Variants in CFH observed in about 807,000 individuals in gnomAD.
The protein encoded by CFH is H factor 1 (complement).
Under a neutral mutation model 147.3 loss-of-function variants are expected in CFH, and 53 were observed. That is an observed-to-expected ratio of 0.36 (90% CI 0.29 to 0.45). The LOEUF (loss-of-function observed/expected upper bound fraction) is 0.45. Among genes scored for constraint, CFH ranks in the 20% least tolerant of loss-of-function variants. CFH has a pLI of 1.00. For missense variants in CFH, 1,380 were observed against 1,498.0 expected, an observed-to-expected ratio of 0.92 and a Z score of 1.30; for synonymous variants, 536 against 489.4, an observed-to-expected ratio of 1.10 and a Z score of -1.26.
intron 6 of CFH, among the ~76,000 whole-genome samples, chr1:196,680,419 T>A (rs896304252): frequency 8.6e-5 from 13 of 151,446 alleles, no homozygotes; most frequent in Non-Finnish European, 1.9e-4. Flanking sequence ...ATATCTGGAA[T>A]AGAGTGTTCT....
rs770185390 is a variant in CFH at position 196,736,875 on chromosome 1, A to T, written c.2465A>T (p.Asn822Ile). The T allele has an allele frequency of 2.5e-6, 4 of 1,596,846 alleles. No individual in the cohort carries two copies. The South Asian group carries it at 4.5e-5, about 18-fold the overall frequency. Residue 822 changes from asparagine to isoleucine, a missense_variant, in exon 16 of 22, where the codon AAT becomes ATT. By Grantham distance (149) the Asn-to-Ile change is moderately radical. This residue lies in a region of CFH where 830 missense variants were observed against 821.4 expected (regional missense o/e 1.01). Transcript: ENST00000367429. ...CCACCTCAGATTCCCAATTCTCACA[A>T]TATGACAACCACACTGAATTATCGG... The part of the protein sequence containing the change: ...PPPPQIPNSH[N>I]MTTTLNYRDG...
intron 8 of CFH, 39 bp downstream of exon 8, chr1:196,689,653 C>T: frequency 6.2e-7 from 1 of 1,601,798 alleles, no homozygotes; most frequent in Non-Finnish European, 8.6e-7. Flanking sequence ...ATGTATAAAA[C>T]TTTCAAAGAT....
chr1:196,709,817 T>C (rs1212710751), intron 9 of CFH, among the ~76,000 whole-genome samples: 1 of 152,036 alleles, frequency 6.6e-6, no homozygotes, highest in Non-Finnish European at 1.5e-5. Flanking sequence ...AGCAACATAC[T>C]GGTCAACAAG....
intron 2 of CFH, chr1:196,673,383 C>A: frequency 1.9e-6 from 1 of 540,536 alleles, no homozygotes; most frequent in Non-Finnish European, 3.3e-6. Flanking sequence ...TATCGCCTGG[C>A]TGGAGTGCAG....
At chr1:196,737,071 G>A (rs576233776) in intron 16 of CFH, 65 bp downstream of exon 16, 190 of 1,356,218 alleles carry the variant, frequency 1.4e-4, no homozygotes, top group South Asian at 2.3e-4. Flanking sequence ...CTTGTGCTTC[G>A]TGTAAACAAG....
chr1:196,690,038 T>A, intron 8 of CFH, 25 bp from the exon 9 acceptor site: 2 of 1,581,818 alleles, frequency 1.3e-6, no homozygotes, highest in Non-Finnish European at 1.7e-6. Context: ...TTACTTTATT[T>A]ATTTATCATT....
At chr1:196,671,241 A>G (rs1224975320) in intron 1 of CFH, among the ~76,000 whole-genome samples, 1 of 152,138 alleles carries the variant, frequency 6.6e-6, no homozygotes, top group Admixed American at 6.5e-5. Flanking sequence ...GCTGTTATAA[A>G]GACCTAACAC....
chr1:196,683,552 A>G (rs937674129), intron 6 of CFH, among the ~76,000 whole-genome samples: 17 of 151,770 alleles, frequency 1.1e-4, no homozygotes, highest in African/African-American at 4.1e-4. Context: ...CAAAGGGTTG[A>G]GTGAAGGGAC....
At chr1:196,710,279 C>T (rs967560460) in intron 9 of CFH, among the ~76,000 whole-genome samples, 1 of 152,118 alleles carries the variant, frequency 6.6e-6, no homozygotes, top group African/African-American at 2.4e-5. Context: ...TGTTTGGTGC[C>T]CTTGTGTTGA....
rs375859164 is a variant in CFH at position 196,696,782 on chromosome 1, G to A, written c.1336+6543G>A. 3.5e-4 allele frequency among the ~76,000 whole-genome samples: 54 copies of A among 152,256 alleles called. 1 individual carries two copies. In the East Asian group the frequency reaches 0.01, roughly 28 times the overall value. Reference sequence around the variant, plus strand: ...CTACAAGCCCACAGTAACCAAAATAGCATGGTACTGGTACCAAAACAGAGA... The same window carrying A: ...CTACAAGCCCACAGTAACCAAAATAACATGGTACTGGTACCAAAACAGAGA... On this transcript the variant is annotated intron_variant, in intron 9 of 21. Coordinates refer to ENST00000367429, the MANE Select transcript of CFH (RefSeq NM_000186.4).
At chr1:196,712,681 A>G (rs1247441984) in intron 9 of CFH, among the ~76,000 whole-genome samples, 2 of 151,142 alleles carry the variant, frequency 1.3e-5, no homozygotes, top group Non-Finnish European at 3.0e-5. Flanking sequence ...TTAGTTACAT[A>G]TGTATACATG....
At chr1:196,740,507 C>T in intron 17 of CFH, 112 bp from the exon 18 acceptor site, 1 of 1,037,238 alleles carries the variant, frequency 9.6e-7, no homozygotes, top group South Asian at 1.5e-5. Flanking sequence ...TCTGTGATGT[C>T]ATAGTAGCTC....
Position 196,747,246 on chromosome 1 carries a change from G to A in CFH, c.3629G>A (p.Arg1210His), listed in dbSNP as rs1460283484. 7.4e-6 allele frequency: 12 copies of A among 1,613,850 alleles called. No homozygotes were observed. Among genetic ancestry groups the A allele is most frequent in the African/African-American group, 2.7e-5 (2 of 74,908 alleles). Residue 1210 changes from arginine (R) to histidine (H), a missense_variant, in exon 22 of 22, where the codon CGT becomes CAT. By Grantham distance (29) the Arg-to-His change is conservative (BLOSUM62 0). Transcript: ENST00000367429. ...VCKRGYRLSS[R>H]SHTLRTTCWD... Reference sequence around the variant, plus strand: ...AAACGGGGATATCGTCTTTCATCACGTTCTCACACATTGCGAACAACATGT... The same window carrying A: ...AAACGGGGATATCGTCTTTCATCACATTCTCACACATTGCGAACAACATGT...
Position 196,673,972 on chromosome 1 carries a change from C to T in CFH, c.350+10C>T. ...ATACATGTAATGAGGGGTATGTAGT[C>T]CATACGAAAAGAGGTTTATAATTAA... On this transcript the variant is annotated intron_variant, in intron 3 of 21. Transcript: ENST00000367429. 1 of 1,549,524 alleles carries T rather than the reference C, an allele frequency of 6.5e-7. No individual in the cohort carries two copies. Among genetic ancestry groups the T allele is most frequent in the Non-Finnish European group, 8.9e-7 (1 of 1,121,560 alleles).
chr1:196,740,344 A>G (rs926911351), intron 17 of CFH, among the ~76,000 whole-genome samples: 2 of 152,208 alleles, frequency 1.3e-5, no homozygotes, highest in Non-Finnish European at 1.5e-5. Flanking sequence ...TATTATCACT[A>G]GTAAGTTTAC....
At position 196,746,082 on chromosome 1, in the gene CFH, A is replaced by G. The variant is rs1573085883; in HGVS notation, c.3493+83A>G. ...ACTGTTTGTAACAAAATACTCACAG[A>G]TTATTGAACAACCATTCTGCTGAAT... On this transcript the variant is annotated intron_variant, in intron 21 of 21. Transcript: ENST00000367429. The G allele has an allele frequency of 2.5e-6, 4 of 1,603,124 alleles. No individual in the cohort carries two copies. The East Asian group carries it at 8.9e-5, about 36-fold the overall frequency.
chr1:196,740,919 T>C, intron 18 of CFH, 127 bp downstream of exon 18: 3 of 958,234 alleles, frequency 3.1e-6, no homozygotes, highest in Non-Finnish European at 4.9e-6. Context: ...TCTGGACTGC[T>C]GTGGGAAATT....
intron 10 of CFH, among the ~76,000 whole-genome samples, chr1:196,714,128 G>T (rs886368172): frequency 1.3e-5 from 2 of 151,808 alleles, no homozygotes; most frequent in East Asian, 3.9e-4. Context: ...CTACTCTAAA[G>T]CATTCTGTGT....
intron 1 of CFH, among the ~76,000 whole-genome samples, chr1:196,671,650 T>A (rs1002517824): frequency 6.0e-5 from 9 of 149,456 alleles, no homozygotes; most frequent in African/African-American, 2.0e-4. Flanking sequence ...TACACATATA[T>A]ATACATAAAT....
Sources: gnomAD v4.1 joint callset for allele counts (sites outside exome capture counted in the v4.1 genomes callset) on GRCh38, gnomAD v4.1.1 for gene constraint, gnomAD v4.1.1 regional missense constraint, MANE v1.5 for transcripts, NCBI Gene and HGNC (gene_info 2026-07-23, HGNC 2026-07-21) for gene names.